Variants in PHF20 observed in about 807,000 individuals in gnomAD.
The protein encoded by PHF20 is glioma-expressed antigen 2.
A neutral mutation model predicts 113.5 loss-of-function variants in PHF20; 23 were observed. The observed-to-expected ratio is 0.20, with a 90% CI of 0.15 to 0.29. The LOEUF (loss-of-function observed/expected upper bound fraction) is 0.29, where lower values mean the gene tolerates loss of function less well. Among genes scored for constraint, PHF20 ranks in the 10% least tolerant of loss-of-function variants. PHF20 has a pLI of 1.00. For missense variants in PHF20, 943 were observed against 1,219.6 expected, an observed-to-expected ratio of 0.77 and a Z score of 3.38; for synonymous variants, 434 against 457.3, an observed-to-expected ratio of 0.95 and a Z score of 0.65.
At chr20:35,890,111 T>G (rs1360244055) in intron 9 of PHF20, among the ~76,000 whole-genome samples, 1 of 152,136 alleles carries the variant, frequency 6.6e-6, no homozygotes, top group African/African-American at 2.4e-5. Context: ...CACTGCAGCA[T>G]CGACCTCCTG....
chr20:35,790,304 G>A (rs2041519390), intron 1 of PHF20, among the ~76,000 whole-genome samples: 1 of 151,660 alleles, frequency 6.6e-6, no homozygotes, highest in African/African-American at 2.4e-5. Context: ...GGGTTCAAGC[G>A]ATTCTCCTTC....
At chr20:35,865,002 A>G (rs1488497351) in intron 6 of PHF20, among the ~76,000 whole-genome samples, 1 of 152,210 alleles carries the variant, frequency 6.6e-6, no homozygotes, top group East Asian at 1.9e-4. Flanking sequence ...CCTGGCCAAC[A>G]TGGTGAAACC....
intron 4 of PHF20, chr20:35,850,745 T>C (rs1180815504): frequency 8.9e-6 from 5 of 559,610 alleles, no homozygotes; most frequent in Non-Finnish European, 1.6e-5. Context: ...CAATTTGTGT[T>C]GTTATATATG....
intron 9 of PHF20, among the ~76,000 whole-genome samples, chr20:35,890,390 TATTA>T (rs2054827379): frequency 6.6e-6 from 1 of 152,368 alleles, no homozygotes. Flanking sequence ...ATTGTGATTT[TATTA>T]ATTATCACTA....
intron 9 of PHF20, among the ~76,000 whole-genome samples, chr20:35,895,681 C>CTTTTTTTTTT (rs762279629): frequency 8.6e-6 from 1 of 116,802 alleles, no homozygotes; most frequent in Admixed American, 8.8e-5. Flanking sequence ...TTTGCTTCTC[C>CTTTTTTTTTT]TTTTTTTTTT....
intron 12 of PHF20, among the ~76,000 whole-genome samples, chr20:35,916,990 T>C (rs1396629588): frequency 1.3e-5 from 2 of 152,148 alleles, no homozygotes; most frequent in East Asian, 3.9e-4. Flanking sequence ...ACTTGAACTC[T>C]TGAGTGCAAG....
chr20:35,837,820 G>A (rs1375731188), intron 2 of PHF20, among the ~76,000 whole-genome samples: 1 of 152,198 alleles, frequency 6.6e-6, no homozygotes, highest in Non-Finnish European at 1.5e-5. Context: ...AGGCAGAGTT[G>A]TGATCCACTA....
At chr20:35,843,824 C>T (rs189343395) in intron 3 of PHF20, among the ~76,000 whole-genome samples, 5 of 152,186 alleles carry the variant, frequency 3.3e-5, no homozygotes, top group East Asian at 1.9e-4. Context: ...GTGATCCTCC[C>T]GCCTTGGTCT....
At chr20:35,880,588 G>C (rs1971023945) in intron 9 of PHF20, among the ~76,000 whole-genome samples, 1 of 151,998 alleles carries the variant, frequency 6.6e-6, no homozygotes, top group Admixed American at 6.6e-5. Flanking sequence ...TTAAAAAATG[G>C]TACAAAGAAT....
At chr20:35,791,232 T>C (rs1045985398) in intron 1 of PHF20, among the ~76,000 whole-genome samples, 5 of 152,064 alleles carry the variant, frequency 3.3e-5, no homozygotes, top group African/African-American at 9.7e-5. Context: ...GTGATGAAGA[T>C]TGGCAACAGT....
intron 1 of PHF20, among the ~76,000 whole-genome samples, chr20:35,786,721 A>C (rs910070572): frequency 1.3e-5 from 2 of 152,174 alleles, no homozygotes; most frequent in Non-Finnish European, 2.9e-5. Context: ...CCAGAGCTAT[A>C]GACTATATCA....
chr20:35,775,518 A>G (rs780042065), intron 1 of PHF20, among the ~76,000 whole-genome samples: 12 of 151,894 alleles, frequency 7.9e-5, no homozygotes, highest in Non-Finnish European at 1.6e-4. Context: ...GCACTTTGGG[A>G]GCTGAGGCGG....
chr20:35,842,047 T>A (rs1174818153), intron 2 of PHF20, among the ~76,000 whole-genome samples: 2 of 152,068 alleles, frequency 1.3e-5, no homozygotes, highest in Non-Finnish European at 2.9e-5. Context: ...AAAGTTTAAT[T>A]TAATGGTTCA....
intron 10 of PHF20, among the ~76,000 whole-genome samples, chr20:35,912,859 A>G (rs932175156): frequency 6.6e-6 from 1 of 152,172 alleles, no homozygotes; most frequent in East Asian, 1.9e-4. Flanking sequence ...TGATTCCAGT[A>G]TGTAGCCAGG....
intron 17 of PHF20, among the ~76,000 whole-genome samples, chr20:35,945,620 A>G (rs545116352): frequency 9.9e-5 from 15 of 152,230 alleles, no homozygotes; most frequent in African/African-American, 3.6e-4. Context: ...GAAGGTGCTC[A>G]GTACAGGTTG....
At chr20:35,787,177 AT>A (rs2041438393) in intron 1 of PHF20, among the ~76,000 whole-genome samples, 1 of 150,264 alleles carries the variant, frequency 6.7e-6, no homozygotes, top group Non-Finnish European at 1.5e-5. Context: ...TTATTTATTT[AT>A]TTATTTATTT....
chr20:35,853,572 G>A (rs2042777092), intron 4 of PHF20, among the ~76,000 whole-genome samples: 1 of 152,014 alleles, frequency 6.6e-6, no homozygotes, highest in Non-Finnish European at 1.5e-5. Context: ...AGACCCCAAT[G>A]CCCCGCTATC....
intron 17 of PHF20, among the ~76,000 whole-genome samples, chr20:35,943,303 C>T (rs1251361823): frequency 3.3e-5 from 5 of 151,790 alleles, no homozygotes; most frequent in African/African-American, 1.2e-4. Flanking sequence ...CATATCACTG[C>T]ACTCCAGACT....
intron 15 of PHF20, among the ~76,000 whole-genome samples, chr20:35,934,781 C>T (rs1228480403): frequency 6.6e-6 from 1 of 152,210 alleles, no homozygotes; most frequent in Non-Finnish European, 1.5e-5. Context: ...GGGCAATTAG[C>T]AGTTGCTGTG....
Sources: allele counts gnomAD v4.1 joint callset (sites outside exome capture counted in the v4.1 genomes callset), GRCh38; gene constraint gnomAD v4.1.1; transcripts MANE v1.5; gene names NCBI Gene and HGNC (gene_info 2026-07-23, HGNC 2026-07-21).